Variants in DHX9 observed in about 807,000 individuals in gnomAD.
DHX9 encodes DExH-box helicase 9, also known as ATP-dependent RNA helicase A.
DHX9 carries 27 observed loss-of-function variants against 148.7 expected under a neutral mutation model. That is an observed-to-expected ratio of 0.18 (90% CI 0.13 to 0.25). The LOEUF is 0.25. DHX9 is among the 10% of genes least tolerant of loss of function. The pLI is 1.00. For synonymous variants in DHX9, 529 were observed against 516.6 expected, an observed-to-expected ratio of 1.02 and a Z score of -0.33; for missense variants, 796 against 1,559.6, an observed-to-expected ratio of 0.51 and a Z score of 8.25.
chr1:182,857,491 A>T (rs1668276889), intron 7 of DHX9, among the ~76,000 whole-genome samples: 1 of 152,184 alleles, frequency 6.6e-6, no homozygotes, highest in Non-Finnish European at 1.5e-5. Flanking sequence ...ACATAGCTAC[A>T]CTCACATTTT....
At chr1:182,883,711 CTTAA>C in intron 26 of DHX9, 76 bp downstream of exon 26, 1 of 1,013,060 alleles carries the variant, frequency 9.9e-7, no homozygotes, top group Non-Finnish European at 1.5e-6. Flanking sequence ...GCTAATCTAA[CTTAA>C]TTATATACTA....
At position 182,878,129 on chromosome 1, in the gene DHX9, G is replaced by T. The variant is rs756240932; in HGVS notation, c.2307G>T (p.Arg769=). ...EQRKGRAGRV[R]PGFCFHLCSR... ...GGAAAGGGCGAGCTGGCCGAGTACG[G>T]CCTGGATTCTGCTTTCACCTGTGCA... The change falls in exon 20 of 28, where the codon CGG becomes CGT. Residue 769 remains arginine, a synonymous_variant. Transcript: ENST00000367549. 6.2e-7 allele frequency: 1 copy of T among 1,614,236 alleles called. No homozygotes were observed. The highest frequency in any genetic ancestry group is 8.5e-7 in the Non-Finnish European group (1 of 1,180,050).
At chr1:182,869,054 A>G (rs1648427300) in intron 14 of DHX9, among the ~76,000 whole-genome samples, 3 of 152,220 alleles carry the variant, frequency 2.0e-5, no homozygotes, top group African/African-American at 7.2e-5. Flanking sequence ...AATTATTCCA[A>G]ACACTGGAAT....
At chr1:182,844,488 T>C (rs1006194250) in intron 3 of DHX9, among the ~76,000 whole-genome samples, 1 of 152,176 alleles carries the variant, frequency 6.6e-6, no homozygotes, top group Non-Finnish European at 1.5e-5. Flanking sequence ...GGACTGTGGG[T>C]GTGTGCCGCT....
At chr1:182,850,393 A>G (rs1668115334) in intron 3 of DHX9, among the ~76,000 whole-genome samples, 1 of 152,106 alleles carries the variant, frequency 6.6e-6, no homozygotes, top group Admixed American at 6.6e-5. Context: ...CCAGAAGTTC[A>G]AGACCAGCCT....
At chr1:182,844,074 A>C (rs1292498954) in intron 3 of DHX9, among the ~76,000 whole-genome samples, 1 of 152,070 alleles carries the variant, frequency 6.6e-6, no homozygotes, top group African/African-American at 2.4e-5. Flanking sequence ...TCAGCCTCCG[A>C]GTAGCTGGGA....
intron 3 of DHX9, among the ~76,000 whole-genome samples, chr1:182,851,122 G>A (rs983379397): frequency 6.6e-6 from 1 of 152,136 alleles, no homozygotes; most frequent in Non-Finnish European, 1.5e-5. Flanking sequence ...GTTCTACTTT[G>A]TCTCCATAAC....
chr1:182,841,842 T>C (rs1256798934), intron 1 of DHX9, among the ~76,000 whole-genome samples: 1 of 152,240 alleles, frequency 6.6e-6, no homozygotes, highest in Admixed American at 6.5e-5. Context: ...AAAACTTTAA[T>C]ATCCTCAAAT....
At chr1:182,844,100 A>G (rs1308002898) in intron 3 of DHX9, among the ~76,000 whole-genome samples, 1 of 152,078 alleles carries the variant, frequency 6.6e-6, no homozygotes, top group East Asian at 1.9e-4. Flanking sequence ...GGCACGCTCC[A>G]TGATGCCCAG....
At chr1:182,868,027 C>G (rs1423259616) in intron 14 of DHX9, among the ~76,000 whole-genome samples, 1 of 152,010 alleles carries the variant, frequency 6.6e-6, no homozygotes, top group Non-Finnish European at 1.5e-5. Context: ...CCTGAAGTTA[C>G]CCAGGGGTTA....
intron 27 of DHX9, among the ~76,000 whole-genome samples, chr1:182,886,729 C>T (rs984146055): frequency 6.6e-6 from 1 of 152,160 alleles, no homozygotes; most frequent in African/African-American, 2.4e-5. Context: ...TGCAGGAAAA[C>T]ATCTGGTGAT....
Position 182,854,011 on chromosome 1 carries a change from A to G in DHX9, c.478-19A>G, listed in dbSNP as rs756968219. On this transcript the variant is annotated intron_variant, in intron 5 of 27. Transcript: ENST00000367549. ...CCTAAACTTAACACAGCCAAATTTA[A>G]TTATCATTGATTCTACAGACTCTAG... 2 of 1,603,672 alleles carry G rather than the reference A, an allele frequency of 1.2e-6. No homozygotes were observed. Among genetic ancestry groups the G allele is most frequent in the East Asian group, 2.2e-5 (1 of 44,790 alleles).
intron 14 of DHX9, among the ~76,000 whole-genome samples, chr1:182,872,040 A>C (rs1648573136): frequency 6.6e-6 from 1 of 152,208 alleles, no homozygotes; most frequent in South Asian, 2.1e-4. Flanking sequence ...TCCCGACCTC[A>C]GATTATCTGC....
intron 14 of DHX9, among the ~76,000 whole-genome samples, chr1:182,869,454 A>T (rs1648453384): frequency 6.6e-6 from 1 of 151,388 alleles, no homozygotes; most frequent in Non-Finnish European, 1.5e-5. Context: ...GTCTTATCTG[A>T]TGCTGACCAG....
At chr1:182,860,761 A>G (rs914865006) in intron 12 of DHX9, among the ~76,000 whole-genome samples, 13 of 152,222 alleles carry the variant, frequency 8.5e-5, no homozygotes, top group African/African-American at 3.1e-4. Context: ...CCTTTTAACT[A>G]ACACTGTATT....
chr1:182,876,726 G>A lies in DHX9; in HGVS notation c.2125-104G>A, dbSNP rs1336058066. On this transcript the variant is annotated intron_variant, in intron 18 of 27. Transcript: ENST00000367549. ...ATCAGTTATTGGGTGATCTTTTTAG[G>A]ACTTCTGTAATTTTCTTGTCATTTG... The A allele has an allele frequency of 8.3e-6, 8 of 963,114 alleles. No individual in the cohort carries two copies. In the East Asian group the frequency reaches 1.5e-4, roughly 19 times the overall value. 59.7% of individuals were successfully genotyped at this position (963,114 alleles called of 1,614,324 possible).
chr1:182,874,277 T>A (rs1422392761), intron 15 of DHX9, among the ~76,000 whole-genome samples: 1 of 152,214 alleles, frequency 6.6e-6, no homozygotes, highest in Non-Finnish European at 1.5e-5. Context: ...TGATCAAGTT[T>A]TAACATCATG....
Position 182,881,382 on chromosome 1 carries a change from C to T in DHX9, c.2743C>T (p.His915Tyr). The change falls in exon 23 of 28, where the codon CAC (histidine) becomes TAC (tyrosine). Residue 915 changes from histidine to tyrosine, a missense_variant. By Grantham distance (83) the His-to-Tyr change is moderately conservative. Around this residue, in one of 14 missense-constraint regions of DHX9, gnomAD observed 122 missense variants for 289.3 expected, o/e 0.42. Coordinates refer to ENST00000367549, the MANE Select transcript of DHX9 (RefSeq NM_001357.5). Reference sequence around the variant, plus strand: ...TTTTGCTGGAAACAGATTTTCTGATCACGTAGCCCTTTTATCAGTATTCCA... The same window carrying T: ...TTTTGCTGGAAACAGATTTTCTGATTACGTAGCCCTTTTATCAGTATTCCA... ...RNFAGNRFSD[H>Y]VALLSVFQAW... The T allele has an allele frequency of 6.2e-7, 1 of 1,614,170 alleles. No homozygotes were observed. The highest frequency in any genetic ancestry group is 8.5e-7 in the Non-Finnish European group (1 of 1,180,008).
At chr1:182,853,809 A>G (rs757300746) in intron 5 of DHX9, among the ~76,000 whole-genome samples, 103 of 151,594 alleles carry the variant, frequency 6.8e-4, no homozygotes, top group Non-Finnish European at 1.2e-3. Flanking sequence ...TTTTTTTGGA[A>G]GAATTTAAAT....
Sources: allele counts gnomAD v4.1 joint callset (sites outside exome capture counted in the v4.1 genomes callset), GRCh38; gene constraint gnomAD v4.1.1; regional missense constraint gnomAD v4.1.1; transcripts MANE v1.5; gene names NCBI Gene and HGNC (gene_info 2026-07-23, HGNC 2026-07-21).